Variants in HAL observed in about 807,000 individuals in gnomAD.
HAL encodes histidase.
Under a neutral mutation model 81.1 loss-of-function variants are expected in HAL, and 85 were observed. That is an observed-to-expected ratio of 1.05 (90% CI 0.88 to 1.25). HAL has a LOEUF of 1.25. Ranked by LOEUF, HAL falls within the 50% of genes most tolerant of loss-of-function variation. The pLI is 0.00. For missense variants in HAL, 798 were observed against 836.6 expected, an observed-to-expected ratio of 0.95 and a Z score of 0.57; for synonymous variants, 301 against 309.2, an observed-to-expected ratio of 0.97 and a Z score of 0.28.
intron 15 of HAL, among the ~76,000 whole-genome samples, chr12:95,982,889 T>A (rs545517072): frequency 1.3e-5 from 2 of 152,302 alleles, no homozygotes; most frequent in South Asian, 4.1e-4. Flanking sequence ...CCATGAAAAC[T>A]GTGCCAGTGT....
intron 17 of HAL, among the ~76,000 whole-genome samples, chr12:95,979,787 C>T (rs967957758): frequency 6.6e-6 from 1 of 152,162 alleles, no homozygotes; most frequent in African/African-American, 2.4e-5. Context: ...CACATTTTTG[C>T]ATGCCAAAAT....
chr12:95,981,064 C>T (rs1288163822), intron 15 of HAL, among the ~76,000 whole-genome samples: 6 of 152,130 alleles, frequency 3.9e-5, no homozygotes, highest in African/African-American at 1.4e-4. Context: ...CATGTACACC[C>T]AATTTGGAGG....
In HAL at chr12:95,978,001, A is replaced by G. The variant is rs1366161434; in HGVS notation, c.1597T>C (p.Ser533Pro). The change falls in exon 18 of 21, where the codon TCC becomes CCC. Residue 533 changes from serine (S) to proline (P), a missense_variant. By Grantham distance (74) the Ser-to-Pro change is moderately conservative. Transcript: ENST00000261208. ...TTCCTTGCTGCCCATCCTCCCATGG[A>G]GACGTGGTCCTCCGTGGCTGCGCTG... Reference protein sequence around the residue: ...STSAATEDHVSMGGWAARKAL... With the variant: ...STSAATEDHVPMGGWAARKAL... The G allele has an allele frequency of 1.2e-6, 2 of 1,613,960 alleles. No individual in the cohort carries two copies. Among genetic ancestry groups the G allele is most frequent in the Non-Finnish European group, 8.5e-7 (1 of 1,179,928 alleles).
At chr12:95,976,519 C>T (rs570639979) in intron 19 of HAL, 21 bp from the exon 20 acceptor site, 5 of 1,612,750 alleles carry the variant, frequency 3.1e-6, no homozygotes, top group African/African-American at 2.7e-5. Context: ...AGCACATCCG[C>T]CCATCAGCCA....
At position 95,980,745 on chromosome 12, in the gene HAL, C is replaced by T. The variant is rs372476652; in HGVS notation, c.1354-24G>A. 7.4e-6 allele frequency: 12 copies of T among 1,610,790 alleles called. No individual in the cohort carries two copies. In the African/African-American group the frequency reaches 1.6e-4, roughly 22 times the overall value. ...GCCTGAAAGAGGGTCTCCATTTAGT[C>T]AGCCTATATTGAAATGTGCCTTCTG... On this transcript the variant is annotated intron_variant, in intron 16 of 20. Transcript: ENST00000261208.
At chr12:95,990,162 C>T (rs1178885961) in intron 10 of HAL, 1 of 582,828 alleles carries the variant, frequency 1.7e-6, no homozygotes, top group Non-Finnish European at 3.1e-6. Flanking sequence ...AGCAGTTATG[C>T]CTTTTCACCA....
chr12:95,987,742 T>C (rs1376995329), intron 11 of HAL, among the ~76,000 whole-genome samples: 1 of 152,160 alleles, frequency 6.6e-6, no homozygotes, highest in African/African-American at 2.4e-5. Context: ...AGGGTCTTAC[T>C]GTGTTGCTCA....
chr12:95,978,038 G>A lies in HAL; in HGVS notation c.1560C>T (p.Asp520=). Residue 520 remains aspartate, a synonymous_variant, in exon 18 of 21, where the codon GAC becomes GAT. Coordinates refer to ENST00000261208, the MANE Select transcript of HAL (RefSeq NM_002108.4). ...NKALCHPSSV[D]SLSTSAATED... ...CCGTGGCTGCGCTGGTGGAGAGGGA[G>A]TCAACAGACGAGGGATGGCACAGAG... The A allele has an allele frequency of 1.9e-6, 3 of 1,613,622 alleles. No individual in the cohort carries two copies. The highest frequency in any genetic ancestry group is 2.5e-6 in the Non-Finnish European group (3 of 1,179,484).
chr12:95,981,987 T>C (rs1039795603), intron 15 of HAL, among the ~76,000 whole-genome samples: 17 of 152,242 alleles, frequency 1.1e-4, no homozygotes, highest in African/African-American at 4.1e-4. Context: ...GATTACTCTG[T>C]TCTGCATGTG....
rs1306668856 is a variant in HAL, at chr12:95,973,023, AG to A, written c.*1208del. 1 of 152,220 alleles carries A rather than the reference AG, an allele frequency of 6.6e-6. No homozygotes were observed. Among genetic ancestry groups the A allele is most frequent in the Non-Finnish European group, 1.5e-5 (1 of 68,028 alleles). The allele number at this position is 152,220 out of a possible 1,614,324, so 9.4% of individuals were successfully genotyped here. ...GTTTTCACTTCAGTTTCCACCTGAC[AG>A]GTTGTAAATCTAAAGGGTGAAAACT... On this transcript the variant is annotated 3_prime_UTR_variant, in exon 21 of 21. Transcript: ENST00000261208.
At chr12:95,987,044 C>A in intron 12 of HAL, 23 bp downstream of exon 12, 1 of 1,606,252 alleles carries the variant, frequency 6.2e-7, no homozygotes, top group Non-Finnish European at 8.5e-7. Context: ...TGAATAACAA[C>A]CAAAAGGAAG....
intron 4 of HAL, among the ~76,000 whole-genome samples, chr12:95,994,368 C>T (rs1950007627): frequency 6.6e-6 from 1 of 152,242 alleles, no homozygotes; most frequent in Admixed American, 6.5e-5. Context: ...CCTTTCCCCA[C>T]TACAGAGCTG....
rs767886146 is a variant in HAL, at chr12:95,980,734, C to G, written c.1354-13G>C. ...AGTAGTCTAGGGCCTGAAAGAGGGT[C>G]TCCATTTAGTCAGCCTATATTGAAA... On this transcript the variant is annotated splice_polypyrimidine_tract_variant and intron_variant, in intron 16 of 20. Transcript: ENST00000261208. The G allele has an allele frequency of 6.2e-6, 10 of 1,612,380 alleles. No homozygotes were observed. In the Admixed American group the frequency reaches 1.3e-4, roughly 21 times the overall value.
intron 4 of HAL, among the ~76,000 whole-genome samples, chr12:95,994,466 T>C (rs922518641): frequency 4.6e-5 from 7 of 152,156 alleles, no homozygotes; most frequent in Non-Finnish European, 8.8e-5. Flanking sequence ...CATGGCTCAC[T>C]GCAACCTCTG....
In HAL at chr12:95,995,949, AG is replaced by A. The variant is rs1329046431; in HGVS notation, c.-40del. 1 of 1,598,362 alleles carries A rather than the reference AG, an allele frequency of 6.3e-7. No individual in the cohort carries two copies. On this transcript the variant is annotated 5_prime_UTR_variant, in exon 2 of 21. Transcript: ENST00000261208. Reference sequence around the variant, plus strand: ...CCTGAGGTCCTCAGCTGGTCACAGGAGGGGAGAGCTTTATGCAGGAGTGGCT... The same window carrying A: ...CCTGAGGTCCTCAGCTGGTCACAGGAGGGAGAGCTTTATGCAGGAGTGGCT...
intron 2 of HAL, among the ~76,000 whole-genome samples, chr12:95,995,446 T>C (rs1950022069): frequency 2.6e-5 from 4 of 152,200 alleles, no homozygotes. Flanking sequence ...ACCTCCTCTC[T>C]GATTTCTCCT....
chr12:95,974,132 A>G lies in HAL; in HGVS notation c.*100T>C. The G allele has an allele frequency of 2.0e-6, 2 of 1,011,544 alleles. No individual in the cohort carries two copies. Among genetic ancestry groups the G allele is most frequent in the Non-Finnish European group, 1.6e-6 (1 of 631,194 alleles). 62.7% of individuals were successfully genotyped at this position (1,011,544 alleles called of 1,614,324 possible). ...TTAGAAGAACTGAATGATACAATGG[A>G]TTGATCTACCTAGGAAAGTTCTCAG... On this transcript the variant is annotated 3_prime_UTR_variant, in exon 21 of 21. Coordinates refer to ENST00000261208, the MANE Select transcript of HAL (RefSeq NM_002108.4).
chr12:95,986,280 A>T, intron 12 of HAL, 120 bp from the exon 13 acceptor site: 2 of 701,682 alleles, frequency 2.9e-6, no homozygotes, highest in Admixed American at 4.0e-5. Flanking sequence ...CGATCCTCCT[A>T]CCTTGGCCTC....
intron 14 of HAL, among the ~76,000 whole-genome samples, chr12:95,984,897 T>C (rs1949860058): frequency 6.6e-6 from 1 of 152,138 alleles, no homozygotes; most frequent in African/African-American, 2.4e-5. Context: ...TAAAGGGAAA[T>C]GAGGGTATTT....
Sources: gnomAD v4.1 joint callset for allele counts (sites outside exome capture counted in the v4.1 genomes callset) on GRCh38, gnomAD v4.1.1 for gene constraint, MANE v1.5 for transcripts, NCBI Gene and HGNC (gene_info 2026-07-23, HGNC 2026-07-21) for gene names.